The following RBFOX1 variants were observed in gnomAD, a reference collection of about 807,000 sequenced individuals.
The protein encoded by RBFOX1 is RNA binding protein fox-1 homolog 1.
Under a neutral mutation model 57.7 loss-of-function variants are expected in RBFOX1, and 8 were observed. That is an observed-to-expected ratio of 0.14 (90% CI 0.08 to 0.25). RBFOX1 has a LOEUF of 0.25. Among genes scored for constraint, RBFOX1 ranks in the 10% least tolerant of loss-of-function variants. The pLI, the probability that RBFOX1 is intolerant of heterozygous loss-of-function variation, is 1.00. For synonymous variants in RBFOX1, 326 were observed against 222.4 expected (o/e 1.47, Z -4.15); for missense variants, 611 against 548.5 (o/e 1.11, Z -1.14).
At chr16:7,088,388 C>G (rs936585892) in intron 4 of RBFOX1, among the ~76,000 whole-genome samples, 2 of 152,098 alleles carry the variant, frequency 1.3e-5, no homozygotes, top group East Asian at 1.9e-4. Flanking sequence ...GGGTTGAGTG[C>G]TGTAGAGGAG....
intron 4 of RBFOX1, among the ~76,000 whole-genome samples, chr16:7,213,483 A>G (rs920731886): frequency 6.6e-6 from 1 of 152,110 alleles, no homozygotes; most frequent in Admixed American, 6.5e-5. Context: ...ATCTGTTCCA[A>G]GTTTTCATGA....
intron 4 of RBFOX1, among the ~76,000 whole-genome samples, chr16:7,172,454 T>G (rs1601803759): frequency 1.3e-5 from 2 of 152,350 alleles, no homozygotes; most frequent in East Asian, 1.9e-4. Flanking sequence ...CATATTTCTC[T>G]GTCTCCCACA....
intron 3 of RBFOX1, among the ~76,000 whole-genome samples, chr16:7,024,706 C>G (rs1292273154): frequency 6.6e-6 from 1 of 152,172 alleles, no homozygotes; most frequent in Non-Finnish European, 1.5e-5. Flanking sequence ...GCACAAATTC[C>G]TCAGCACTCT....
chr16:6,373,842 C>A (rs570897688), intron 2 of RBFOX1, among the ~76,000 whole-genome samples: 1 of 152,106 alleles, frequency 6.6e-6, no homozygotes, highest in African/African-American at 2.4e-5. Flanking sequence ...TGTTATACTT[C>A]TGTACTCATT....
chr16:6,027,642 G>T (rs1285930904), intron 1 of RBFOX1, among the ~76,000 whole-genome samples: 1 of 152,218 alleles, frequency 6.6e-6, no homozygotes, highest in African/African-American at 2.4e-5. Context: ...TTTAGTGCAA[G>T]TAGGAGTCAT....
intron 4 of RBFOX1, among the ~76,000 whole-genome samples, chr16:7,290,290 C>G (rs1057231798): frequency 6.6e-6 from 1 of 152,174 alleles, no homozygotes; most frequent in Non-Finnish European, 1.5e-5. Flanking sequence ...ATATTGTTTT[C>G]AATTAGGCTT....
chr16:5,297,296 C>G (rs1215890199), intron 1 of RBFOX1, among the ~76,000 whole-genome samples: 1 of 152,170 alleles, frequency 6.6e-6, no homozygotes, highest in East Asian at 1.9e-4. Flanking sequence ...TATGGTAGTT[C>G]TACTCTTAAT....
intron 1 of RBFOX1, among the ~76,000 whole-genome samples, chr16:5,282,052 C>T (rs879092616): frequency 7.9e-4 from 120 of 152,146 alleles, no homozygotes; most frequent in African/African-American, 2.7e-3. Context: ...TGGGAGGGAC[C>T]CAGTGGGACG....
chr16:6,226,967 T>C (rs1201381339), intron 1 of RBFOX1, among the ~76,000 whole-genome samples: 1 of 117,086 alleles, frequency 8.5e-6, no homozygotes, highest in African/African-American at 3.5e-5. Context: ...AAAAAAAAAA[T>C]ACAAAAATTA....
chr16:6,527,008 A>G (rs2096589955), intron 2 of RBFOX1, among the ~76,000 whole-genome samples: 1 of 151,994 alleles, frequency 6.6e-6, no homozygotes, highest in African/African-American at 2.4e-5. Context: ...TGGAAATCCA[A>G]CTTAAATCTG....
intron 2 of RBFOX1, among the ~76,000 whole-genome samples, chr16:6,493,836 A>G (rs1167162727): frequency 6.6e-6 from 1 of 152,250 alleles, no homozygotes; most frequent in South Asian, 2.1e-4. Context: ...CCAACTGAAT[A>G]TACGAAAGCT....
At chr16:7,625,291 G>A (rs1034443808) in intron 10 of RBFOX1, among the ~76,000 whole-genome samples, 3 of 152,078 alleles carry the variant, frequency 2.0e-5, no homozygotes, top group Non-Finnish European at 4.4e-5. Flanking sequence ...TCCTAATGGC[G>A]GGTATTTGCA....
chr16:6,403,241 A>G (rs1479439117), intron 2 of RBFOX1, among the ~76,000 whole-genome samples: 4 of 152,144 alleles, frequency 2.6e-5, no homozygotes, highest in Admixed American at 6.6e-5. Flanking sequence ...TAATTTGTAA[A>G]CAAAAGTTTG....
chr16:6,763,197 A>G (rs2076875245), intron 3 of RBFOX1, among the ~76,000 whole-genome samples: 1 of 152,224 alleles, frequency 6.6e-6, no homozygotes. Flanking sequence ...CTCAATGTTT[A>G]TCAAGTGGAA....
rs1384364128 is a variant in RBFOX1 at position 5,653,083 on chromosome 16, G to T, written c.318+54122G>T. Among the ~76,000 whole-genome samples, 5 of 151,694 alleles carry T rather than the reference G, an allele frequency of 3.3e-5. No homozygotes were observed. In the East Asian group the frequency reaches 7.8e-4, roughly 24 times the overall value. ...GCTGGGCCTGTGTGAGCAAGGTGGG[G>T]TGCTGAGTTGTGTGCTGGGCCTTTG... is the stretch of plus-strand genomic sequence containing the variant. On this transcript the variant is annotated intron_variant, in intron 3 of 19. Coordinates refer to the RBFOX1 transcript ENST00000641259.
intron 4 of RBFOX1, among the ~76,000 whole-genome samples, chr16:7,059,418 A>G (rs2053553086): frequency 6.6e-6 from 1 of 152,186 alleles, no homozygotes; most frequent in Non-Finnish European, 1.5e-5. Flanking sequence ...CAGAAACCGT[A>G]TGCCAATCAC....
At chr16:5,600,587 A>C (rs1305050899), downstream of RBFOX1, among the ~76,000 whole-genome samples, 1 of 151,880 alleles carries the variant, frequency 6.6e-6, no homozygotes. Flanking sequence ...ACCAAGCTAT[A>C]CTGACCCTTC....
chr16:6,308,667 T>C (rs544827318), intron 1 of RBFOX1, among the ~76,000 whole-genome samples: 70 of 152,332 alleles, frequency 4.6e-4, no homozygotes, highest in African/African-American at 1.5e-3. Context: ...GGGAAATGCA[T>C]TGGTGTCACG....
rs1555509345 is a variant in RBFOX1, at chr16:5,403,361, A to AAAC, written c.220-63853_220-63852insCAA. On this transcript the variant is annotated intron_variant, in intron 1 of 2. Coordinates refer to the RBFOX1 transcript ENST00000585867. ...TGAAACGCTGTCTCAAAAAAAAAAAAAAAAAACAAAAAACAAACAAACAAA... is the reference window on the plus strand; with the variant it reads ...TGAAACGCTGTCTCAAAAAAAAAAAAAACAAAAAACAAAAAACAAACAAACAAA... 1.5e-3 allele frequency among the ~76,000 whole-genome samples: 217 copies of AAAC among 147,242 alleles called. 2 individuals are homozygous for AAAC. Among genetic ancestry groups the AAAC allele is most frequent in the African/African-American group, 4.8e-3 (186 of 38,584 alleles).
Sources: allele counts gnomAD v4.1 joint callset (sites outside exome capture counted in the v4.1 genomes callset), GRCh38; gene constraint gnomAD v4.1.1; transcripts MANE v1.5; gene names NCBI Gene and HGNC (gene_info 2026-07-23, HGNC 2026-07-21).